LARGE1: variants seen among roughly 807,000 people sequenced by gnomAD.
LARGE1 encodes LARGE xylosyl- and glucuronyltransferase 1.
Under a neutral mutation model 87.6 loss-of-function variants are expected in LARGE1, and 43 were observed. The observed-to-expected ratio is 0.49, with a 90% CI of 0.38 to 0.63. LARGE1 has a LOEUF of 0.63. Among genes scored for constraint, LARGE1 ranks in the 30% least tolerant of loss-of-function variants. LARGE1 has a pLI of 0.00. For missense variants in LARGE1, 802 were observed against 1,000.2 expected, an observed-to-expected ratio of 0.80 and a Z score of 2.67; for synonymous variants, 434 against 394.6, an observed-to-expected ratio of 1.10 and a Z score of -1.18.
chr22:33,152,197 G>C, the LARGE1 span, among the ~76,000 whole-genome samples: 1 of 152,162 alleles, frequency 6.6e-6, no homozygotes, highest in Non-Finnish European at 1.5e-5. Flanking sequence ...CTTGCCTGAA[G>C]AGCAAGCTTT....
intron 11 of LARGE1, among the ~76,000 whole-genome samples, chr22:33,307,262 CA>C (rs1485348926): frequency 1.2e-4 from 18 of 152,164 alleles, no homozygotes; most frequent in African/African-American, 3.9e-4. Context: ...CTCTTACAGG[CA>C]AGGAAGCTTA....
chr22:33,320,242 A>G (rs1936577315), intron 10 of LARGE1, among the ~76,000 whole-genome samples: 1 of 151,822 alleles, frequency 6.6e-6, no homozygotes. Flanking sequence ...TGTGCTCCCC[A>G]AATCTGCCTT....
intron 1 of LARGE1, among the ~76,000 whole-genome samples, chr22:33,774,181 C>A (rs1601585248): frequency 6.6e-6 from 1 of 152,080 alleles, no homozygotes; most frequent in African/African-American, 2.4e-5. Context: ...AAAGAGACTA[C>A]CCCTATGAAA....
At chr22:33,700,619 T>C (rs1351632594) in intron 2 of LARGE1, among the ~76,000 whole-genome samples, 4 of 152,186 alleles carry the variant, frequency 2.6e-5, no homozygotes, top group African/African-American at 4.8e-5. Context: ...GAGCCCACTG[T>C]GGTGCTCTCT....
intron 1 of LARGE1, among the ~76,000 whole-genome samples, chr22:33,829,932 G>A (rs1317247505): frequency 1.3e-5 from 2 of 152,182 alleles, no homozygotes; most frequent in African/African-American, 2.4e-5. Flanking sequence ...GAAGGCAGGA[G>A]GCAGACCAGG....
chr22:33,441,349 C>T (rs2067469934), intron 6 of LARGE1, among the ~76,000 whole-genome samples: 1 of 152,094 alleles, frequency 6.6e-6, no homozygotes, highest in African/African-American at 2.4e-5. Context: ...GCTGGGATTA[C>T]AGACATGAGC....
chr22:33,574,224 A>G (rs1370364942), intron 5 of LARGE1, among the ~76,000 whole-genome samples: 1 of 152,150 alleles, frequency 6.6e-6, no homozygotes, highest in African/African-American at 2.4e-5. Context: ...GTGGGTTATT[A>G]GTTACATGAC....
intron 11 of LARGE1, among the ~76,000 whole-genome samples, chr22:33,167,486 G>A (rs1388509666): frequency 6.6e-6 from 1 of 152,112 alleles, no homozygotes; most frequent in Non-Finnish European, 1.5e-5. Context: ...AGTTTCTATG[G>A]CTTAATACCC....
intron 9 of LARGE1, among the ~76,000 whole-genome samples, chr22:33,370,362 T>C (rs1232117889): frequency 6.6e-6 from 1 of 152,216 alleles, no homozygotes; most frequent in Non-Finnish European, 1.5e-5. Flanking sequence ...GTTTTTCTTA[T>C]ACAATTCGTC....
In LARGE1 at chr22:33,909,523, T is replaced by C. The variant is rs200877151; in HGVS notation, c.-83+10472A>G. ...CCTAACTCACCAACTTCTTCTTTTG[T>C]TTTTTTTTTTTTGTTTTTGTTTTTG... On this transcript the variant is annotated intron_variant, in intron 1 of 14. Transcript: ENST00000397394. Among the ~76,000 whole-genome samples the C allele has an allele frequency of 1.8e-4, 14 of 79,396 alleles. No homozygotes were observed. The East Asian group carries it at 3.4e-3, about 20-fold the overall frequency. The allele number at this position is 79,396 out of a possible 152,430, so 52.1% of individuals were successfully genotyped here.
intron 9 of LARGE1, among the ~76,000 whole-genome samples, chr22:33,339,403 G>C (rs8135800): frequency 4.0e-5 from 6 of 151,776 alleles, no homozygotes; most frequent in Non-Finnish European, 8.8e-5. Flanking sequence ...TAGTGGCGTC[G>C]TGGGGTCATG....
At chr22:33,841,474 C>G (rs1039996699) in intron 1 of LARGE1, among the ~76,000 whole-genome samples, 2 of 152,180 alleles carry the variant, frequency 1.3e-5, no homozygotes, top group Non-Finnish European at 1.5e-5. Flanking sequence ...TACTCAGATG[C>G]CATGCAGTAG....
intron 2 of LARGE1, among the ~76,000 whole-genome samples, chr22:33,713,605 A>C (rs944024072): frequency 2.0e-5 from 3 of 151,912 alleles, no homozygotes; most frequent in Admixed American, 2.0e-4. Flanking sequence ...TTCTTAATGC[A>C]TAAATGATCG....
chr22:33,845,613 T>C (rs374669084), intron 1 of LARGE1, among the ~76,000 whole-genome samples: 31 of 152,316 alleles, frequency 2.0e-4, no homozygotes, highest in African/African-American at 7.2e-4. Context: ...TGGCCTATAA[T>C]GGACCTTATA....
intron 5 of LARGE1, among the ~76,000 whole-genome samples, chr22:33,595,509 A>G (rs1362652593): frequency 6.6e-6 from 1 of 152,226 alleles, no homozygotes; most frequent in Non-Finnish European, 1.5e-5. Context: ...TAAGCAAGTC[A>G]GCAACCTGGA....
At position 33,355,632 on chromosome 22, in the gene LARGE1, C is replaced by G. The variant is rs868166505; in HGVS notation, c.1132-17831G>C. The stretch of plus-strand genomic sequence containing the variant: ...CAATTTATGGTCTTTTCCAGAATCT[C>G]AAAAGTAGATCTTCTAACTCCTCCT... On this transcript the variant is annotated intron_variant, in intron 9 of 14. Transcript: ENST00000397394. Among the ~76,000 whole-genome samples, 4 of 59,112 alleles carry G rather than the reference C, an allele frequency of 6.8e-5. 1 individual carries two copies. The highest frequency in any genetic ancestry group is 3.3e-4 in the Admixed American group (2 of 6,130). 38.8% of individuals were successfully genotyped at this position (59,112 alleles called of 152,430 possible). A position where few individuals can be genotyped will look rare whatever the true frequency, so the allele number is the denominator to read the frequency against.
chr22:33,788,195 T>C (rs1391137218), intron 1 of LARGE1, among the ~76,000 whole-genome samples: 1 of 152,154 alleles, frequency 6.6e-6, no homozygotes, highest in Non-Finnish European at 1.5e-5. Context: ...ACTGTGCTCG[T>C]GGTAGTGAAT....
rs1449601507 is a variant in LARGE1, at chr22:33,729,168, AAT to A, written c.106+32201_106+32202del. Among the ~76,000 whole-genome samples, 3 of 152,344 alleles carry A rather than the reference AAT, an allele frequency of 2.0e-5. No individual in the cohort carries two copies. In the East Asian group the frequency reaches 5.8e-4, roughly 29 times the overall value. On this transcript the variant is annotated intron_variant, in intron 2 of 14. Transcript: ENST00000397394. ...CCTCCCCCAAAATGAGTTAACTTACAATTAAAACACATGTATATAGAACACCA... is the reference window on the plus strand; with the variant it reads ...CCTCCCCCAAAATGAGTTAACTTACATAAAACACATGTATATAGAACACCA...
In LARGE1 at chr22:33,669,874, G is replaced by A. The variant is rs1156342859; in HGVS notation, c.107-19206C>T. ...AACAGAGACATGCATATGGGTCAAT[G>A]TCTCACAACATGAATAAATGCAAAA... On this transcript the variant is annotated intron_variant, in intron 2 of 14. Transcript: ENST00000397394. 2.6e-5 allele frequency among the ~76,000 whole-genome samples: 4 copies of A among 152,338 alleles called. No individual in the cohort carries two copies. The South Asian group carries it at 8.3e-4, about 32-fold the overall frequency.
Sources: gnomAD v4.1 joint callset for allele counts (sites outside exome capture counted in the v4.1 genomes callset) on GRCh38, gnomAD v4.1.1 for gene constraint, MANE v1.5 for transcripts, NCBI Gene and HGNC (gene_info 2026-07-23, HGNC 2026-07-21) for gene names.